Variants in LASP1 observed in about 807,000 individuals in gnomAD.
LASP1 encodes the protein LIM and SH3 domain protein 1.
A neutral mutation model predicts 38.6 loss-of-function variants in LASP1; 10 were observed. The observed-to-expected ratio is 0.26, with a 90% confidence interval of 0.16 to 0.44. The LOEUF is 0.44. Ranked by LOEUF, LASP1 falls within the 20% of genes least tolerant of loss-of-function variation. The pLI is 1.00. For missense variants in LASP1, 243 were observed against 375.7 expected (o/e 0.65, Z 2.92); for synonymous variants, 132 against 140.8 (o/e 0.94, Z 0.44).
chr17:38,896,168 C>T (rs1011790753), intron 3 of LASP1, among the ~76,000 whole-genome samples: 1 of 152,058 alleles, frequency 6.6e-6, no homozygotes, highest in Non-Finnish European at 1.5e-5. Context: ...CCCCTGGCCC[C>T]CCACCCTTCA....
chr17:38,911,762 A>T (rs879867566), intron 4 of LASP1, among the ~76,000 whole-genome samples: 1 of 151,368 alleles, frequency 6.6e-6, no homozygotes, highest in Non-Finnish European at 1.5e-5. Flanking sequence ...GCAATGAGAT[A>T]TGTATGTGAG....
intron 2 of LASP1, among the ~76,000 whole-genome samples, chr17:38,887,978 A>G (rs1404827370): frequency 1.3e-5 from 2 of 152,058 alleles, no homozygotes; most frequent in East Asian, 1.9e-4. Context: ...GAGGCCATCT[A>G]TGGCTTACCT....
chr17:38,897,834 G>C (rs1360936014), intron 3 of LASP1, among the ~76,000 whole-genome samples: 3 of 152,204 alleles, frequency 2.0e-5, no homozygotes, highest in Non-Finnish European at 2.9e-5. Context: ...CACCAACTCT[G>C]TCCTTTGGCA....
chr17:38,870,112 G>A lies in LASP1; in HGVS notation c.-78G>A. 1 of 1,541,772 alleles carries A rather than the reference G, an allele frequency of 6.5e-7. No homozygotes were observed. Among genetic ancestry groups the A allele is most frequent in the South Asian group, 1.1e-5 (1 of 88,992 alleles). On this transcript the variant is annotated 5_prime_UTR_variant, in exon 1 of 7. Transcript: ENST00000318008. ...TGCTGCCTGTGTAGTTGCAGCCGCG[G>A]CCGCCTCCCGCCAGCTCGCCTCGGG...
intron 4 of LASP1, among the ~76,000 whole-genome samples, chr17:38,913,730 G>C (rs961184496): frequency 3.3e-5 from 5 of 152,190 alleles, no homozygotes; most frequent in African/African-American, 7.2e-5. Context: ...GGCCGGTCAC[G>C]GTGGCTCACG....
intron 4 of LASP1, among the ~76,000 whole-genome samples, chr17:38,906,435 A>T (rs768483577): frequency 9.9e-5 from 15 of 152,178 alleles, no homozygotes; most frequent in Admixed American, 3.9e-4. Context: ...AGACAGAAGC[A>T]GGAGAATTGG....
intron 3 of LASP1, among the ~76,000 whole-genome samples, chr17:38,892,293 C>G (rs985518165): frequency 6.6e-6 from 1 of 152,204 alleles, no homozygotes; most frequent in South Asian, 2.1e-4. Context: ...TGCTGCACAG[C>G]CCTGGTAGGG....
chr17:38,887,598 G>A (rs1914179823), intron 2 of LASP1, among the ~76,000 whole-genome samples: 1 of 152,190 alleles, frequency 6.6e-6, no homozygotes, highest in Non-Finnish European at 1.5e-5. Flanking sequence ...GAGGAACTGC[G>A]AGTCTGGGCT....
At chr17:38,906,606 A>T (rs1191138572) in intron 4 of LASP1, among the ~76,000 whole-genome samples, 1 of 152,068 alleles carries the variant, frequency 6.6e-6, no homozygotes, top group Admixed American at 6.6e-5. Context: ...CCAAAAAAAG[A>T]CCCTAGCTGG....
chr17:38,878,480 G>A (rs1913846793), intron 2 of LASP1, among the ~76,000 whole-genome samples: 1 of 152,146 alleles, frequency 6.6e-6, no homozygotes, highest in African/African-American at 2.4e-5. Flanking sequence ...ACCCAATTTC[G>A]GGCAGTAAGG....
chr17:38,884,196 C>T (rs1914039832), intron 2 of LASP1, among the ~76,000 whole-genome samples: 1 of 151,844 alleles, frequency 6.6e-6, no homozygotes, highest in South Asian at 2.1e-4. Context: ...GTTCTTCTGA[C>T]CCTGGAGTGT....
In LASP1 at chr17:38,879,161, C is replaced by CTTTTTTTT. The variant is rs55952948; in HGVS notation, c.164+990_164+997dup. On this transcript the variant is annotated intron_variant, in intron 2 of 6. Transcript: ENST00000318008. ...GATAATTTCTTTTTCTTTTAATTTG[C>CTTTTTTTT]TTTTTTTTTTTTTTTTGAGTCAGAG... 4.0e-5 allele frequency among the ~76,000 whole-genome samples: 5 copies of CTTTTTTTT among 123,710 alleles called. 1 individual carries two copies. Among genetic ancestry groups the CTTTTTTTT allele is most frequent in the Non-Finnish European group, 4.9e-5 (3 of 61,662 alleles). 81.2% of individuals were successfully genotyped at this position (123,710 alleles called of 152,430 possible).
chr17:38,909,728 CTCATTCATTCAT>C (rs111395734), intron 4 of LASP1, among the ~76,000 whole-genome samples: 51 of 150,004 alleles, frequency 3.4e-4, no homozygotes, highest in Middle Eastern at 3.4e-3. Flanking sequence ...TCTTTTTCAT[CTCATTCATTCAT>C]TCATTCATTC....
chr17:38,870,109 G>A lies in LASP1; in HGVS notation c.-81G>A, dbSNP rs1221954378. 1 of 1,523,682 alleles carries A rather than the reference G, an allele frequency of 6.6e-7. No individual in the cohort carries two copies. Among genetic ancestry groups the A allele is most frequent in the Non-Finnish European group, 9.0e-7 (1 of 1,110,766 alleles). The allele number at this position is 1,523,682 out of a possible 1,614,324, so 94.4% of individuals were successfully genotyped here. A position where few individuals can be genotyped will look rare whatever the true frequency, so the allele number is the denominator to read the frequency against. ...CGCTGCTGCCTGTGTAGTTGCAGCC[G>A]CGGCCGCCTCCCGCCAGCTCGCCTC... On this transcript the variant is annotated 5_prime_UTR_variant, in exon 1 of 7. Coordinates refer to ENST00000318008, the MANE Select transcript of LASP1 (RefSeq NM_006148.4).
intron 4 of LASP1, chr17:38,898,811 C>G: frequency 2.0e-6 from 1 of 499,938 alleles, no homozygotes; most frequent in Non-Finnish European, 3.9e-6. Flanking sequence ...TTCTGGATAT[C>G]GTGGGTATCG....
At chr17:38,914,564 C>G in intron 5 of LASP1, 89 bp downstream of exon 5, 1 of 1,413,660 alleles carries the variant, frequency 7.1e-7, no homozygotes, top group Non-Finnish European at 9.5e-7. Context: ...GACAGATACA[C>G]CTTCCGGAGC....
chr17:38,916,102 C>T (rs556928931), intron 6 of LASP1: 1 of 152,396 alleles, frequency 6.6e-6, no homozygotes, highest in South Asian at 2.1e-4. Context: ...TGTGTAGGGT[C>T]CATCTCTGAA....
At chr17:38,914,996 G>A (rs757555260) in intron 5 of LASP1, 47 bp from the exon 6 acceptor site, 1 of 1,580,552 alleles carries the variant, frequency 6.3e-7, no homozygotes, top group Non-Finnish European at 8.7e-7. Flanking sequence ...GGGAGGGGCT[G>A]GGTTTGGCAG....
chr17:38,874,317 G>A (rs1913695884), intron 1 of LASP1, among the ~76,000 whole-genome samples: 1 of 152,180 alleles, frequency 6.6e-6, no homozygotes, highest in Admixed American at 6.5e-5. Flanking sequence ...GAGGCAGACG[G>A]GGTCACTGTG....
Sources: allele counts gnomAD v4.1 joint callset (sites outside exome capture counted in the v4.1 genomes callset), GRCh38; gene constraint gnomAD v4.1.1; transcripts MANE v1.5; gene names NCBI Gene and HGNC (gene_info 2026-07-23, HGNC 2026-07-21).